KCNT2: variants seen among roughly 807,000 people sequenced by gnomAD.
KCNT2 encodes potassium channel subfamily T member 2.
Under a neutral mutation model 153.8 loss-of-function variants are expected in KCNT2, and 67 were observed. That is an observed-to-expected ratio of 0.44 (90% CI 0.36 to 0.53). The LOEUF is 0.53. Ranked by LOEUF, KCNT2 falls within the 20% of genes least tolerant of loss-of-function variation. KCNT2 has a pLI of 0.00. For missense variants in KCNT2, 975 were observed against 1,354.8 expected (o/e 0.72, Z 4.40); for synonymous variants, 500 against 458.8 (o/e 1.09, Z -1.15).
chr1:196,429,853 G>C, intron 8 of KCNT2, 96 bp from the exon 9 acceptor site: 3 of 765,114 alleles, frequency 3.9e-6, no homozygotes, highest in Admixed American at 6.3e-5. Flanking sequence ...ATTTCATAAA[G>C]CCATTTAATA....
Position 196,305,303 on chromosome 1 carries a change from G to T in KCNT2, c.2526C>A (p.Pro842=). 1 of 1,612,516 alleles carries T rather than the reference G, an allele frequency of 6.2e-7. No homozygotes were observed. Residue 842 remains proline, a synonymous_variant, in exon 22 of 28, where the codon CCC becomes CCA. Coordinates refer to ENST00000294725, the MANE Select transcript of KCNT2 (RefSeq NM_198503.5). ...SLSIITELTH[P]ANMRFMQFRA... is the part of the protein sequence containing the mutation. ...TGAATTGCATGAATCTCATGTTGGCGGGGTGAGTTAGCTCTGTGATAATAC... is the reference window on the plus strand; with the variant it reads ...TGAATTGCATGAATCTCATGTTGGCTGGGTGAGTTAGCTCTGTGATAATAC...
At chr1:196,313,339 A>G (rs950705341) in intron 21 of KCNT2, among the ~76,000 whole-genome samples, 4 of 151,688 alleles carry the variant, frequency 2.6e-5, no homozygotes, top group Non-Finnish European at 5.9e-5. Flanking sequence ...TTCAAGGTTT[A>G]GGCTATGACC....
chr1:196,253,398 T>G (rs1656166517), intron 26 of KCNT2, among the ~76,000 whole-genome samples: 1 of 151,600 alleles, frequency 6.6e-6, no homozygotes, highest in East Asian at 1.9e-4. Flanking sequence ...AATGTTCAAT[T>G]TGGTCTCTTC....
chr1:196,433,952 T>C (rs1674387618), intron 8 of KCNT2, among the ~76,000 whole-genome samples: 1 of 152,000 alleles, frequency 6.6e-6, no homozygotes, highest in Non-Finnish European at 1.5e-5. Flanking sequence ...GTTGTGTGTG[T>C]TTATTTGCTT....
Position 196,412,692 on chromosome 1 carries a change from G to A in KCNT2, c.1185+10358C>T, listed in dbSNP as rs1348458393. Reference sequence around the variant, plus strand: ...TGGTAATCAACACATAAAATATATAGCTGATTTTGGAAATTTTGAGTAAAG... The same window carrying A: ...TGGTAATCAACACATAAAATATATAACTGATTTTGGAAATTTTGAGTAAAG... On this transcript the variant is annotated intron_variant, in intron 12 of 27. Coordinates refer to ENST00000294725, the MANE Select transcript of KCNT2 (RefSeq NM_198503.5). Among the ~76,000 whole-genome samples, 17 of 151,384 alleles carry A rather than the reference G, an allele frequency of 1.1e-4. No homozygotes were observed. The Admixed American group carries it at 1.1e-3, about 10-fold the overall frequency.
chr1:196,485,258 G>C (rs1035642697), intron 3 of KCNT2, among the ~76,000 whole-genome samples: 2 of 151,976 alleles, frequency 1.3e-5, no homozygotes, highest in East Asian at 3.9e-4. Context: ...AGATCACATG[G>C]ACACAGGGAG....
chr1:196,462,459 TGTTAATATATTTTAGGCACA>T (rs1677232191), intron 8 of KCNT2, among the ~76,000 whole-genome samples: 1 of 151,878 alleles, frequency 6.6e-6, no homozygotes, highest in African/African-American at 2.4e-5. Context: ...TTATATTTTC[TGTTAATATATTTTAGGCACA>T]GTGGTTCCCT....
At chr1:196,540,009 A>G (rs1656124255) in intron 1 of KCNT2, among the ~76,000 whole-genome samples, 1 of 152,076 alleles carries the variant, frequency 6.6e-6, no homozygotes, top group African/African-American at 2.4e-5. Flanking sequence ...CAAGGGTATG[A>G]TCAAATTTGA....
At chr1:196,486,379 G>T (rs879467092) in intron 3 of KCNT2, among the ~76,000 whole-genome samples, 4 of 151,926 alleles carry the variant, frequency 2.6e-5, no homozygotes, top group Admixed American at 1.3e-4. Flanking sequence ...GAATTAGACT[G>T]TCCTGTTGAT....
At chr1:196,602,127 A>G (rs1178869690) in intron 1 of KCNT2, among the ~76,000 whole-genome samples, 1 of 152,296 alleles carries the variant, frequency 6.6e-6, no homozygotes, top group Non-Finnish European at 1.5e-5. Flanking sequence ...TTTGCAGAGA[A>G]AATTTTAATT....
At chr1:196,249,352 G>T (rs766424545) in intron 26 of KCNT2, among the ~76,000 whole-genome samples, 8 of 152,172 alleles carry the variant, frequency 5.3e-5, no homozygotes, top group Non-Finnish European at 1.2e-4. Flanking sequence ...AATTGGAAAA[G>T]AAAGAATCAA....
chr1:196,269,995 T>C (rs187579491), intron 25 of KCNT2, among the ~76,000 whole-genome samples: 1 of 152,256 alleles, frequency 6.6e-6, no homozygotes, highest in East Asian at 1.9e-4. Flanking sequence ...TCCATTTATG[T>C]CACTAATACT....
intron 8 of KCNT2, among the ~76,000 whole-genome samples, chr1:196,448,544 C>A (rs1459936880): frequency 6.6e-6 from 1 of 151,428 alleles, no homozygotes; most frequent in Non-Finnish European, 1.5e-5. Flanking sequence ...TACTGTGTGG[C>A]CTGGAAGCTT....
At chr1:196,298,701 A>T (rs1355062745) in intron 22 of KCNT2, among the ~76,000 whole-genome samples, 1 of 151,264 alleles carries the variant, frequency 6.6e-6, no homozygotes, top group African/African-American at 2.4e-5. Context: ...TTGAGGGTAA[A>T]GGCTAAAAGT....
At chr1:196,473,511 G>A (rs1304264560) in intron 5 of KCNT2, among the ~76,000 whole-genome samples, 1 of 152,138 alleles carries the variant, frequency 6.6e-6, no homozygotes, top group Non-Finnish European at 1.5e-5. Context: ...GCATATATGT[G>A]TATGTTTGTG....
chr1:196,405,907 T>C (rs1229911189), intron 12 of KCNT2, among the ~76,000 whole-genome samples: 1 of 151,528 alleles, frequency 6.6e-6, no homozygotes, highest in Non-Finnish European at 1.5e-5. Context: ...CACAAACACT[T>C]ATAAAATAAA....
intron 5 of KCNT2, among the ~76,000 whole-genome samples, chr1:196,469,522 A>C (rs1572560621): frequency 6.6e-6 from 1 of 152,178 alleles, no homozygotes; most frequent in East Asian, 1.9e-4. Flanking sequence ...ATACAATTTA[A>C]AGAAAGGACT....
intron 8 of KCNT2, 79 bp from the exon 9 acceptor site, chr1:196,429,836 A>G: frequency 9.9e-7 from 1 of 1,005,626 alleles, no homozygotes; most frequent in Non-Finnish European, 1.4e-6. Context: ...TTTGAAAGCC[A>G]AAGCACATTT....
intron 14 of KCNT2, among the ~76,000 whole-genome samples, chr1:196,362,060 T>A (rs950169438): frequency 3.3e-5 from 5 of 152,104 alleles, no homozygotes; most frequent in Non-Finnish European, 5.9e-5. Context: ...AGTTTTTGAG[T>A]GTGAAACTTC....
Sources: allele counts gnomAD v4.1 joint callset (sites outside exome capture counted in the v4.1 genomes callset), GRCh38; gene constraint gnomAD v4.1.1; transcripts MANE v1.5; gene names NCBI Gene and HGNC (gene_info 2026-07-23, HGNC 2026-07-21).